Variants in LYPD6 observed in about 807,000 individuals in gnomAD.
The protein encoded by LYPD6 is LY6/PLAUR domain containing 6.
A neutral mutation model predicts 22.7 loss-of-function variants in LYPD6; 15 were observed. That is an observed-to-expected ratio of 0.66 (90% CI 0.44 to 1.02). The LOEUF is 1.02. LYPD6 is among the 50% of genes least tolerant of loss of function. The probability of loss-of-function intolerance (pLI) is 0.00; values close to 1 mark genes in which losing one functional copy is unlikely to be tolerated. For synonymous variants in LYPD6, 72 were observed against 77.5 expected, an observed-to-expected ratio of 0.93 and a Z score of 0.37; for missense variants, 189 against 208.4, an observed-to-expected ratio of 0.91 and a Z score of 0.57.
intron 1 of LYPD6, among the ~76,000 whole-genome samples, chr2:149,411,343 GACA>G (rs1005087807): frequency 1.3e-5 from 2 of 151,818 alleles, no homozygotes; most frequent in African/African-American, 4.8e-5. Flanking sequence ...TCTTTCTCCA[GACA>G]ACAAGAGTGA....
At chr2:149,372,772 T>A (rs191129836) in intron 1 of LYPD6, among the ~76,000 whole-genome samples, 122 of 152,304 alleles carry the variant, frequency 8.0e-4, no homozygotes, top group African/African-American at 2.9e-3. Context: ...GGGCATAAGC[T>A]TTCTAGAATG....
At chr2:149,434,791 A>C (rs117944045) in intron 1 of LYPD6, among the ~76,000 whole-genome samples, 8 of 152,148 alleles carry the variant, frequency 5.3e-5, no homozygotes, top group Non-Finnish European at 7.4e-5. Flanking sequence ...TGAGGAGCTC[A>C]TGGTCCTATA....
At chr2:149,364,009 G>C (rs1681615862) in intron 1 of LYPD6, among the ~76,000 whole-genome samples, 1 of 152,090 alleles carries the variant, frequency 6.6e-6, no homozygotes, top group Non-Finnish European at 1.5e-5. Context: ...TTAAAAAAAT[G>C]AGCCTTTCTT....
chr2:149,425,180 T>C, intron 1 of LYPD6, among the ~76,000 whole-genome samples: 1 of 152,222 alleles, frequency 6.6e-6, no homozygotes, highest in Non-Finnish European at 1.5e-5. Flanking sequence ...ATCCTCTTCC[T>C]GCGTCTCACA....
intron 1 of LYPD6, among the ~76,000 whole-genome samples, chr2:149,420,444 T>G (rs1186565580): frequency 6.6e-6 from 1 of 152,120 alleles, no homozygotes; most frequent in Non-Finnish European, 1.5e-5. Context: ...TGAGTGTATG[T>G]TCGTCCCTGG....
chr2:149,344,545 C>G (rs1431147710), intron 1 of LYPD6, among the ~76,000 whole-genome samples: 1 of 152,142 alleles, frequency 6.6e-6, no homozygotes. Context: ...AATCATAGAG[C>G]TGTAACATAA....
chr2:149,438,429 C>T (rs114396024), intron 2 of LYPD6, among the ~76,000 whole-genome samples: 220 of 152,324 alleles, frequency 1.4e-3, no homozygotes, highest in African/African-American at 5.2e-3. Flanking sequence ...CTAAGGATCA[C>T]GCTTTAGGAA....
In LYPD6 at chr2:149,471,912, A is replaced by G. The variant is rs1241343835; in HGVS notation, c.*1062A>G. 1 of 152,614 alleles carries G rather than the reference A, an allele frequency of 6.6e-6. No individual in the cohort carries two copies. The highest frequency in any genetic ancestry group is 1.5e-5 in the Non-Finnish European group (1 of 68,024). The allele number at this position is 152,614 out of a possible 1,614,324, so 9.5% of individuals were successfully genotyped here. On this transcript the variant is annotated 3_prime_UTR_variant, in exon 5 of 5. Transcript: ENST00000334166. ...ATTGTCTTTCGAATGATGGGGAAGC[A>G]AGGCATAATATGCGATGATGAGGAG...
At chr2:149,366,145 C>T (rs541900234) in intron 1 of LYPD6, among the ~76,000 whole-genome samples, 4 of 152,276 alleles carry the variant, frequency 2.6e-5, no homozygotes, top group African/African-American at 9.6e-5. Context: ...TTTTATGGGT[C>T]ATATAGATTA....
chr2:149,418,676 G>A (rs1683016316), intron 1 of LYPD6, among the ~76,000 whole-genome samples: 1 of 152,230 alleles, frequency 6.6e-6, no homozygotes, highest in Non-Finnish European at 1.5e-5. Flanking sequence ...ATTCAGAGAA[G>A]GCCTAGAGCA....
intron 1 of LYPD6, among the ~76,000 whole-genome samples, chr2:149,393,115 A>G (rs1682350631): frequency 6.6e-6 from 1 of 152,274 alleles, no homozygotes; most frequent in African/African-American, 2.4e-5. Flanking sequence ...CTGATTGAGC[A>G]GAATCTCACA....
chr2:149,358,633 C>A (rs1449351175), intron 1 of LYPD6, among the ~76,000 whole-genome samples: 2 of 151,426 alleles, frequency 1.3e-5, no homozygotes, highest in African/African-American at 2.4e-5. Context: ...TGGGATAGAC[C>A]CTAATCAGAG....
chr2:149,426,693 G>A (rs16826960), intron 1 of LYPD6, among the ~76,000 whole-genome samples: 2,395 of 152,230 alleles, frequency 0.016, 29 homozygotes, highest in East Asian at 0.049. Context: ...TCAACACAAA[G>A]CAATGGAAGA....
chr2:149,351,995 A>T (rs1255919382), intron 1 of LYPD6, among the ~76,000 whole-genome samples: 1 of 151,962 alleles, frequency 6.6e-6, no homozygotes, highest in Non-Finnish European at 1.5e-5. Context: ...AAGCTGTCCC[A>T]GTTGAATTTG....
At chr2:149,389,586 T>A (rs1349525013) in intron 1 of LYPD6, among the ~76,000 whole-genome samples, 1 of 152,118 alleles carries the variant, frequency 6.6e-6, no homozygotes, top group Non-Finnish European at 1.5e-5. Flanking sequence ...TCCAGGGACG[T>A]TTTCATCACA....
At chr2:149,384,209 T>A (rs1682129650) in intron 1 of LYPD6, among the ~76,000 whole-genome samples, 1 of 152,224 alleles carries the variant, frequency 6.6e-6, no homozygotes, top group African/African-American at 2.4e-5. Flanking sequence ...GATGTTCATA[T>A]TTTATTTACT....
chr2:149,474,121 G>A lies in LYPD6; in HGVS notation c.*3271G>A, dbSNP rs1463279809. 1 of 152,106 alleles carries A rather than the reference G, an allele frequency of 6.6e-6. No individual in the cohort carries two copies. The highest frequency in any genetic ancestry group is 1.5e-5 in the Non-Finnish European group (1 of 68,008). 9.4% of individuals were successfully genotyped at this position (152,106 alleles called of 1,614,324 possible). ...TTTATTATATTTTTCTTAGTAAAGT[G>A]ATAGACATTGAAAGCAAGCTTGAAA... On this transcript the variant is annotated 3_prime_UTR_variant, in exon 5 of 5. Transcript: ENST00000334166.
At chr2:149,334,831 A>C (rs1388693503) in intron 1 of LYPD6, among the ~76,000 whole-genome samples, 1 of 151,850 alleles carries the variant, frequency 6.6e-6, no homozygotes, top group Non-Finnish European at 1.5e-5. Flanking sequence ...CATGCACCTC[A>C]TAACAATGTT....
intron 1 of LYPD6, among the ~76,000 whole-genome samples, chr2:149,424,509 A>G (rs922115681): frequency 7.9e-5 from 12 of 152,222 alleles, no homozygotes; most frequent in African/African-American, 2.9e-4. Flanking sequence ...AATCTGTCAA[A>G]ATACAAAGCC....
Sources: allele counts gnomAD v4.1 joint callset (sites outside exome capture counted in the v4.1 genomes callset), GRCh38; gene constraint gnomAD v4.1.1; transcripts MANE v1.5; gene names NCBI Gene and HGNC (gene_info 2026-07-23, HGNC 2026-07-21).